The following LAMA1 variants were observed in gnomAD, a reference collection of about 807,000 sequenced individuals.
LAMA1 encodes laminin subunit alpha-1.
In LAMA1, 219 loss-of-function variants were observed where a neutral mutation model predicts 348.7. That is an observed-to-expected ratio of 0.63 (90% CI 0.56 to 0.70). LAMA1 has a LOEUF of 0.70. Ranked by LOEUF, LAMA1 falls within the 30% of genes least tolerant of loss-of-function variation. The pLI, the probability that LAMA1 is intolerant of heterozygous loss-of-function variation, is 0.00. For synonymous variants in LAMA1, 1,487 were observed against 1,491.0 expected, an observed-to-expected ratio of 1.00 and a Z score of 0.06; for missense variants, 3,744 against 3,888.0, an observed-to-expected ratio of 0.96 and a Z score of 0.99.
chr18:7,034,841 A>G (rs1332777602), intron 13 of LAMA1, 151 bp from the exon 14 acceptor site: 1 of 650,580 alleles, frequency 1.5e-6, no homozygotes, highest in Non-Finnish European at 2.6e-6. Flanking sequence ...CTCTTGGCCC[A>G]GAATTATCAG....
chr18:7,017,591 G>A (rs1313686613), intron 19 of LAMA1, among the ~76,000 whole-genome samples: 4 of 152,144 alleles, frequency 2.6e-5, no homozygotes, highest in African/African-American at 9.7e-5. Context: ...ATCCATCACA[G>A]GAAAAACACA....
intron 1 of LAMA1, among the ~76,000 whole-genome samples, chr18:7,110,751 G>T (rs1186669768): frequency 6.6e-6 from 1 of 152,116 alleles, no homozygotes; most frequent in African/African-American, 2.4e-5. Flanking sequence ...GAACTGGGAG[G>T]CGGAGGTTGC....
rs145459658 is a variant in LAMA1, at chr18:7,015,742, C to T, written c.3106G>A (p.Asp1036Asn). The change falls in exon 22 of 63, where the codon GAT becomes AAT. Residue 1036 changes from aspartate (D) to asparagine (N), a missense_variant. Transcript: ENST00000389658. Reference sequence around the variant, plus strand: ...CTCACCTGGCACCCCACCTCCGCATCGTAGCCCCAGTGCCCATCCTCACAT... The same window carrying T: ...CTCACCTGGCACCCCACCTCCGCATTGTAGCCCCAGTGCCCATCCTCACAT... The part of the protein sequence containing the change: ...EECEDGHWGY[D>N]AEVGCQACNC... 29 of 1,613,984 alleles carry T rather than the reference C, an allele frequency of 1.8e-5. No individual in the cohort carries two copies. The highest frequency in any genetic ancestry group is 7.7e-5 in the South Asian group (7 of 91,088).
At chr18:7,106,906 C>T (rs1271562061) in intron 1 of LAMA1, among the ~76,000 whole-genome samples, 1 of 152,018 alleles carries the variant, frequency 6.6e-6, no homozygotes, top group Non-Finnish European at 1.5e-5. Flanking sequence ...CCAACAGTGG[C>T]ATATGATGTA....
chr18:6,978,635 A>C (rs2057694487), intron 42 of LAMA1, among the ~76,000 whole-genome samples: 1 of 152,192 alleles, frequency 6.6e-6, no homozygotes, highest in South Asian at 2.1e-4. Context: ...AAATGAAATA[A>C]TTTTTGTTAA....
chr18:7,080,652 G>A (rs1217756068), intron 1 of LAMA1, among the ~76,000 whole-genome samples, 195 bp from the exon 2 acceptor site: 3 of 152,170 alleles, frequency 2.0e-5, no homozygotes, highest in Non-Finnish European at 4.4e-5. Flanking sequence ...TTCATCTACG[G>A]AGAAAAGTCA....
chr18:7,113,472 G>A (rs1235889988), intron 1 of LAMA1, among the ~76,000 whole-genome samples: 1 of 152,206 alleles, frequency 6.6e-6, no homozygotes, highest in Non-Finnish European at 1.5e-5. Context: ...GGGCCCTGGA[G>A]AAGGATGTGG....
chr18:6,966,401 T>A (rs1057007779), intron 48 of LAMA1, 104 bp from the exon 49 acceptor site: 13 of 948,152 alleles, frequency 1.4e-5, no homozygotes, highest in Non-Finnish European at 1.0e-5. Flanking sequence ...GTAGAGCTAT[T>A]AGTTCCATAC....
At chr18:6,996,572 A>G (rs982796772) in intron 33 of LAMA1, among the ~76,000 whole-genome samples, 10 of 152,142 alleles carry the variant, frequency 6.6e-5, no homozygotes, top group African/African-American at 2.2e-4. Context: ...TAGGAGTTCA[A>G]GACCAGCCTG....
intron 3 of LAMA1, among the ~76,000 whole-genome samples, chr18:7,056,230 A>C (rs2058081467): frequency 6.6e-6 from 1 of 152,166 alleles, no homozygotes; most frequent in African/African-American, 2.4e-5. Flanking sequence ...GTGACCATCC[A>C]TTACTGCTGC....
chr18:7,064,009 T>G (rs2058112680), intron 3 of LAMA1, among the ~76,000 whole-genome samples: 1 of 152,082 alleles, frequency 6.6e-6, no homozygotes, highest in Admixed American at 6.6e-5. Context: ...CACTGCAGCC[T>G]CAAGTGCCCC....
Position 7,008,514 on chromosome 18 carries a change from G to C in LAMA1, c.4096C>G (p.Pro1366Ala). The C allele has an allele frequency of 6.2e-7, 1 of 1,614,100 alleles. No homozygotes were observed. Among genetic ancestry groups the C allele is most frequent in the Non-Finnish European group, 8.5e-7 (1 of 1,179,984 alleles). Reference sequence around the variant, plus strand: ...TGACATGAGAATCCCACAGTGCCAGGAGGACAGACACAATTCTCTAAAAGA... The same window carrying C: ...TGACATGAGAATCCCACAGTGCCAGCAGGACAGACACAATTCTCTAAAAGA... Reference protein sequence around the residue: ...ASLLENCVCPPGTVGFSCQDC... With the variant: ...ASLLENCVCPAGTVGFSCQDC... The change falls in exon 28 of 63, where the codon CCT (proline) becomes GCT (alanine). Residue 1366 changes from proline to alanine, a missense_variant. Physicochemically the swap from Pro to Ala is conservative, Grantham distance 27 (BLOSUM62 -1). This residue lies in a region of LAMA1 where 1,983 missense variants were observed against 1,934.3 expected (regional missense o/e 1.03). Transcript: ENST00000389658.
chr18:7,016,555 C>T lies in LAMA1; in HGVS notation c.2925G>A (p.Val975=), dbSNP rs554798058. Residue 975 remains valine, a synonymous_variant, in exon 21 of 63, where the codon GTG becomes GTA. Transcript: ENST00000389658. ...DEGQCHCVPG[V]AGKRCDRCAH... is the part of the protein sequence containing the mutation. ...CACACCTGTCACACCTTTTCCCTGC[C>T]ACACCTGGGACACAGTGACACTGGC... is the stretch of plus-strand genomic sequence containing the variant. 6.2e-7 allele frequency: 1 copy of T among 1,614,160 alleles called. No individual in the cohort carries two copies. The highest frequency in any genetic ancestry group is 1.1e-5 in the South Asian group (1 of 91,074).
chr18:7,009,301 G>C lies in LAMA1; in HGVS notation c.3939C>G (p.Val1313=). The change falls in exon 27 of 63, where the codon GTC becomes GTG. Residue 1313 remains valine, a synonymous_variant. Coordinates refer to ENST00000389658, the MANE Select transcript of LAMA1 (RefSeq NM_005559.4). ...TGAGGATGTACTCAATATCGCTGAG[G>C]ACAGACATAAAATCCTCTCGCGTGA... ...KPVTREDFMS[V]LSDIEYILIK... is the part of the protein sequence containing the mutation. 1 of 1,613,442 alleles carries C rather than the reference G, an allele frequency of 6.2e-7. No homozygotes were observed. The highest frequency in any genetic ancestry group is 8.5e-7 in the Non-Finnish European group (1 of 1,179,398).
At chr18:7,037,452 C>G in intron 12 of LAMA1, 126 bp downstream of exon 12, 1 of 1,011,354 alleles carries the variant, frequency 9.9e-7, no homozygotes, top group South Asian at 1.3e-5. Flanking sequence ...CAAGTACAGG[C>G]TATGAAATGC....
chr18:6,977,698 T>C (rs1173990716), intron 44 of LAMA1, 29 bp downstream of exon 44: 1 of 1,613,498 alleles, frequency 6.2e-7, no homozygotes, highest in African/African-American at 1.3e-5. Context: ...GAGAGCCCAG[T>C]TACGAAAGCC....
chr18:6,950,516 C>T (rs2057541636), intron 58 of LAMA1, among the ~76,000 whole-genome samples: 1 of 152,168 alleles, frequency 6.6e-6, no homozygotes, highest in Admixed American at 6.5e-5. Flanking sequence ...CTTGCCAAGT[C>T]AAGAACATGT....
At chr18:6,955,729 C>T (rs528275358) in intron 56 of LAMA1, 1 of 560,206 alleles carries the variant, frequency 1.8e-6, no homozygotes, top group Non-Finnish European at 3.3e-6. Context: ...ACTGAAGTCT[C>T]TCCTACAAAT....
At chr18:6,987,822 C>T (rs569988968) in intron 36 of LAMA1, among the ~76,000 whole-genome samples, 17 of 152,232 alleles carry the variant, frequency 1.1e-4, no homozygotes, top group African/African-American at 3.9e-4. Context: ...ATAATAAAGA[C>T]GTTGCATTAT....
Sources: allele counts gnomAD v4.1 joint callset (sites outside exome capture counted in the v4.1 genomes callset), GRCh38; gene constraint gnomAD v4.1.1; regional missense constraint gnomAD v4.1.1; transcripts MANE v1.5; gene names NCBI Gene and HGNC (gene_info 2026-07-23, HGNC 2026-07-21).